Variants in WNT3A observed in about 807,000 individuals in gnomAD.
WNT3A encodes the protein protein Wnt-3a.
A neutral mutation model predicts 37.0 loss-of-function variants in WNT3A; 17 were observed. The ratio of observed to expected loss-of-function variants is 0.46; its 90% CI spans 0.31 to 0.69. The LOEUF (loss-of-function observed/expected upper bound fraction) is 0.69. Among genes scored for constraint, WNT3A ranks in the 30% least tolerant of loss-of-function variants. The pLI, the probability that WNT3A is intolerant of heterozygous loss-of-function variation, is 0.05. For missense variants in WNT3A, 411 were observed against 510.2 expected (o/e 0.81, Z 1.87); for synonymous variants, 187 against 211.0 (o/e 0.89, Z 0.99).
chr1:228,055,219 T>TATGC (rs1422386068), intron 3 of WNT3A, among the ~76,000 whole-genome samples: 1 of 98,488 alleles, frequency 1.0e-5, no homozygotes, highest in African/African-American at 4.7e-5. Flanking sequence ...TATATATATA[T>TATGC]ACACACACAC....
rs1571820776 is a variant in WNT3A at position 228,061,129 on chromosome 1, T to A, written c.*1664T>A. 6.6e-6 allele frequency: 1 copy of A among 152,604 alleles called. No homozygotes were observed. Among genetic ancestry groups the A allele is most frequent in the East Asian group, 1.9e-4 (1 of 5,178 alleles). 9.5% of individuals were successfully genotyped at this position (152,604 alleles called of 1,614,324 possible). A position where few individuals can be genotyped will look rare whatever the true frequency, so the allele number is the denominator to read the frequency against. ...TGTGAACCGGCTCCCACCCTCAAGG[T>A]GCGGGGAGAAGAAGCGGCCAGGCGG... On this transcript the variant is annotated 3_prime_UTR_variant, in exon 4 of 4. Transcript: ENST00000284523.
Position 228,007,305 on chromosome 1 carries a change from C to A in WNT3A, c.71+106C>A. 1 of 1,153,034 alleles carries A rather than the reference C, an allele frequency of 8.7e-7. No homozygotes were observed. Among genetic ancestry groups the A allele is most frequent in the Non-Finnish European group, 1.2e-6 (1 of 851,418 alleles). The allele number at this position is 1,153,034 out of a possible 1,614,324, so 71.4% of individuals were successfully genotyped here. On this transcript the variant is annotated intron_variant, in intron 1 of 3. Transcript: ENST00000284523. The surrounding 1 kb of genome is among the most constrained non-coding windows in gnomAD (Gnocchi z 6.0). The stretch of plus-strand genomic sequence containing the variant: ...GGTGGCCCGAGCCCGCGCCCTTCTG[C>A]TCCAGCCCCGCGTGCGGGCCGCGGG...
chr1:228,048,711 C>G (rs1231194066), intron 2 of WNT3A, among the ~76,000 whole-genome samples: 1 of 152,110 alleles, frequency 6.6e-6, no homozygotes, highest in Non-Finnish European at 1.5e-5. Context: ...ATTATAGGCC[C>G]CCAGCCCTGA....
intron 2 of WNT3A, among the ~76,000 whole-genome samples, chr1:228,023,703 A>G (rs2030788179): frequency 6.6e-6 from 1 of 152,242 alleles, no homozygotes; most frequent in Non-Finnish European, 1.5e-5. Flanking sequence ...CCGCGATTTT[A>G]AAGTATTCAA....
chr1:228,054,037 G>C (rs998564209), intron 3 of WNT3A, among the ~76,000 whole-genome samples: 1 of 152,148 alleles, frequency 6.6e-6, no homozygotes, highest in Non-Finnish European at 1.5e-5. Context: ...AGACTACAGA[G>C]GTTGCACTGC....
At chr1:228,044,380 TC>T (rs2031355289) in intron 2 of WNT3A, among the ~76,000 whole-genome samples, 1 of 152,158 alleles carries the variant, frequency 6.6e-6, no homozygotes, top group Non-Finnish European at 1.5e-5. Flanking sequence ...TCTATCAAGA[TC>T]CCTTTTCTGT....
chr1:228,059,156 C>T lies in WNT3A; in HGVS notation c.750C>T (p.Arg250=). 2 of 1,613,510 alleles carry T rather than the reference C, an allele frequency of 1.2e-6. No homozygotes were observed. Among genetic ancestry groups the T allele is most frequent in the South Asian group, 1.1e-5 (1 of 91,086 alleles). ...EMVVEKHRES[R]GWVETLRPRY... is the part of the protein sequence containing the mutation. ...TGGTGGAGAAGCACCGGGAGTCCCGCGGCTGGGTGGAGACCCTGCGGCCGC... is the reference window on the plus strand; with the variant it reads ...TGGTGGAGAAGCACCGGGAGTCCCGTGGCTGGGTGGAGACCCTGCGGCCGC... Residue 250 remains arginine (R), a synonymous_variant, in exon 4 of 4, where the codon CGC becomes CGT. Coordinates refer to ENST00000284523, the MANE Select transcript of WNT3A (RefSeq NM_033131.4).
At chr1:228,026,734 AC>A (rs1223005486) in intron 2 of WNT3A, among the ~76,000 whole-genome samples, 2 of 152,242 alleles carry the variant, frequency 1.3e-5, no homozygotes, top group Non-Finnish European at 2.9e-5. Context: ...CTCCTGAGTT[AC>A]TTCAGTTAGA....
chr1:228,025,814 A>G (rs1040525987), intron 2 of WNT3A, among the ~76,000 whole-genome samples: 3 of 152,110 alleles, frequency 2.0e-5, no homozygotes, highest in African/African-American at 7.2e-5. Flanking sequence ...TCTGTCACCT[A>G]GGCTGGAGTG....
rs1310369805 is a variant in WNT3A at position 228,039,349 on chromosome 1, G to A, written c.314-11307G>A. On this transcript the variant is annotated intron_variant, in intron 2 of 3. Coordinates refer to ENST00000284523, the MANE Select transcript of WNT3A (RefSeq NM_033131.4). The surrounding 1 kb of genome is among the most constrained non-coding windows in gnomAD (Gnocchi z 4.1). The stretch of plus-strand genomic sequence containing the variant: ...CCCAGCCACCAGCTGCCAGCAGCCA[G>A]GGCCCTGAATCCCAGAGCCTGTGAC... Among the ~76,000 whole-genome samples the A allele has an allele frequency of 6.6e-6, 1 of 152,178 alleles. No homozygotes were observed. Among genetic ancestry groups the A allele is most frequent in the Non-Finnish European group, 1.5e-5 (1 of 68,014 alleles).
intron 2 of WNT3A, among the ~76,000 whole-genome samples, chr1:228,027,876 A>G (rs2030890245): frequency 6.6e-6 from 1 of 152,056 alleles, no homozygotes; most frequent in Non-Finnish European, 1.5e-5. Context: ...AGTTTTTCCA[A>G]TGTTGTCTTC....
At chr1:228,044,610 T>C (rs2031359862) in intron 2 of WNT3A, among the ~76,000 whole-genome samples, 1 of 152,244 alleles carries the variant, frequency 6.6e-6, no homozygotes, top group South Asian at 2.1e-4. Flanking sequence ...TTGGCCTTCA[T>C]GCATCATCCC....
In WNT3A at chr1:228,058,973, G is replaced by A; in HGVS notation, c.580-13G>A. On this transcript the variant is annotated splice_polypyrimidine_tract_variant and intron_variant, in intron 3 of 3. Coordinates refer to ENST00000284523, the MANE Select transcript of WNT3A (RefSeq NM_033131.4). ...GGGCCGCCCTGACGCTGGCTCCTGC[G>A]CGTGCCCCGCAGGCCATCGCCAGCC... 1 of 1,599,892 alleles carries A rather than the reference G, an allele frequency of 6.3e-7. No individual in the cohort carries two copies. Among genetic ancestry groups the A allele is most frequent in the Non-Finnish European group, 8.5e-7 (1 of 1,172,698 alleles).
At position 228,059,268 on chromosome 1, in the gene WNT3A, G is replaced by A; in HGVS notation, c.862G>A (p.Gly288Ser). 2 of 1,602,564 alleles carry A rather than the reference G, an allele frequency of 1.2e-6. No individual in the cohort carries two copies. Among genetic ancestry groups the A allele is most frequent in the Non-Finnish European group, 1.7e-6 (2 of 1,177,524 alleles). ...PNFCEPNPET[G>S]SFGTRDRTCN... The stretch of plus-strand genomic sequence containing the variant: ...CTTCTGCGAGCCCAACCCTGAGACG[G>A]GCTCCTTCGGCACGCGCGACCGCAC... Residue 288 changes from glycine (G) to serine (S), a missense_variant, in exon 4 of 4, where the codon GGC becomes AGC. Physicochemically the swap from Gly to Ser is moderately conservative, Grantham distance 56. Coordinates refer to ENST00000284523, the MANE Select transcript of WNT3A (RefSeq NM_033131.4).
chr1:228,036,911 C>T (rs2031157180), intron 2 of WNT3A, among the ~76,000 whole-genome samples: 1 of 152,182 alleles, frequency 6.6e-6, no homozygotes, highest in South Asian at 2.1e-4. Flanking sequence ...GGCATGTGCT[C>T]CTTAGAGAAG....
At chr1:228,043,008 T>C (rs1304978672) in intron 2 of WNT3A, among the ~76,000 whole-genome samples, 1 of 148,604 alleles carries the variant, frequency 6.7e-6, no homozygotes, top group Non-Finnish European at 1.5e-5. Context: ...TGATAGGTAA[T>C]GGATAGATGG....
rs148328070 is a variant in WNT3A, at chr1:228,044,801, C to T, written c.314-5855C>T. On this transcript the variant is annotated intron_variant, in intron 2 of 3. Transcript: ENST00000284523. ...TGTGGCTTCAACTTTAATGCAGGCT[C>T]TCTTTGCCAGAACATAGGGTCTCAC... Among the ~76,000 whole-genome samples the T allele has an allele frequency of 8.2e-3, 1,249 of 152,332 alleles. 19 individuals are homozygous for T. The highest frequency in any genetic ancestry group is 0.028 in the African/African-American group (1,171 of 41,564).
Position 228,022,770 on chromosome 1 carries a change from T to A in WNT3A, c.175T>A (p.Tyr59Asn). 1 of 1,614,186 alleles carries A rather than the reference T, an allele frequency of 6.2e-7. No individual in the cohort carries two copies. The highest frequency in any genetic ancestry group is 8.5e-7 in the Non-Finnish European group (1 of 1,180,036). Reference sequence around the variant, plus strand: ...CAAGCAGCTCCGCTTCTGCAGGAACTACGTGGAGATCATGCCCAGCGTGGC... The same window carrying A: ...CAAGCAGCTCCGCTTCTGCAGGAACAACGTGGAGATCATGCCCAGCGTGGC... ...VPKQLRFCRNYVEIMPSVAEG... is the reference protein window; with the variant it reads ...VPKQLRFCRNNVEIMPSVAEG... Residue 59 changes from tyrosine (Y) to asparagine (N), a missense_variant, in exon 2 of 4, where the codon TAC becomes AAC. Tyr to Asn is a moderately radical substitution (Grantham distance 143). Transcript: ENST00000284523.
chr1:228,022,579 T>C lies in WNT3A; in HGVS notation c.72-88T>C, dbSNP rs1031510989. On this transcript the variant is annotated intron_variant, in intron 1 of 3. Transcript: ENST00000284523. ...GCTGCGTCTCGCCCCCCGAATGCAC[T>C]TGAGGCCCCAGAGCAAAGGGTCTGT... 5 of 1,478,414 alleles carry C rather than the reference T, an allele frequency of 3.4e-6. No individual in the cohort carries two copies. In the African/African-American group the frequency reaches 4.2e-5, roughly 12 times the overall value. The allele number at this position is 1,478,414 out of a possible 1,614,324, so 91.6% of individuals were successfully genotyped here. A position where few individuals can be genotyped will look rare whatever the true frequency, so the allele number is the denominator to read the frequency against.
Sources: allele counts gnomAD v4.1 joint callset (sites outside exome capture counted in the v4.1 genomes callset), GRCh38; gene constraint gnomAD v4.1.1; non-coding constraint Gnocchi (gnomAD v3.1); transcripts MANE v1.5; gene names NCBI Gene and HGNC (gene_info 2026-07-23, HGNC 2026-07-21).